The following MRTFB variants were observed in gnomAD, a reference collection of about 807,000 sequenced individuals.
MRTFB encodes myocardin-related transcription factor B.
Under a neutral mutation model 104.2 loss-of-function variants are expected in MRTFB, and 29 were observed. The ratio of observed to expected loss-of-function variants is 0.28; its 90% CI spans 0.21 to 0.38. The LOEUF (loss-of-function observed/expected upper bound fraction) is 0.38. Among genes scored for constraint, MRTFB ranks in the 10% least tolerant of loss-of-function variants. MRTFB has a pLI of 1.00. For synonymous variants in MRTFB, 535 were observed against 519.5 expected, an observed-to-expected ratio of 1.03 and a Z score of -0.41; for missense variants, 1,270 against 1,341.6, an observed-to-expected ratio of 0.95 and a Z score of 0.83.
chr16:14,097,385 A>C (rs1010672394), intron 2 of MRTFB, among the ~76,000 whole-genome samples: 2 of 152,218 alleles, frequency 1.3e-5, no homozygotes, highest in African/African-American at 2.4e-5. Flanking sequence ...CGGTTTGTTC[A>C]CTTTCCCATC....
chr16:14,052,466 A>G, the MRTFB span, among the ~76,000 whole-genome samples: 2 of 152,126 alleles, frequency 1.3e-5, no homozygotes, highest in African/African-American at 4.8e-5. Flanking sequence ...GGCCGGGCAC[A>G]GTGGCTCACG....
chr16:14,001,746 C>T, the MRTFB span, among the ~76,000 whole-genome samples: 2 of 152,200 alleles, frequency 1.3e-5, no homozygotes, highest in African/African-American at 4.8e-5. Context: ...ATCCAAAGTT[C>T]CCTCGTTGCC....
At chr16:14,195,804 G>C (rs2040407477) in intron 3 of MRTFB, among the ~76,000 whole-genome samples, 1 of 152,134 alleles carries the variant, frequency 6.6e-6, no homozygotes, top group African/African-American at 2.4e-5. Context: ...ATGGAGTGTA[G>C]AATTTTTTAT....
At chr16:14,215,930 T>G (rs1449734631) in intron 6 of MRTFB, among the ~76,000 whole-genome samples, 1 of 152,248 alleles carries the variant, frequency 6.6e-6, no homozygotes, top group Admixed American at 6.5e-5. Context: ...CAAACGAATT[T>G]GACAGTGATT....
At chr16:14,142,714 T>C (rs567485203) in intron 3 of MRTFB, 6 of 152,210 alleles carry the variant, frequency 3.9e-5, no homozygotes, top group African/African-American at 1.4e-4. Context: ...TGAACTGTTA[T>C]AAAATCAGAA....
intron 8 of MRTFB, among the ~76,000 whole-genome samples, chr16:14,226,076 C>A (rs980178317): frequency 1.3e-5 from 2 of 152,116 alleles, no homozygotes; most frequent in Admixed American, 1.3e-4. Flanking sequence ...GGAATCAAAA[C>A]AAGGCACTAC....
At chr16:14,219,297 A>G (rs753681854) in intron 8 of MRTFB, among the ~76,000 whole-genome samples, 2 of 152,168 alleles carry the variant, frequency 1.3e-5, no homozygotes, top group African/African-American at 2.4e-5. Context: ...TTATGTTTCA[A>G]ATTTATTGGG....
At chr16:14,051,878 G>C in the MRTFB span, among the ~76,000 whole-genome samples, 1 of 151,980 alleles carries the variant, frequency 6.6e-6, no homozygotes, top group Non-Finnish European at 1.5e-5. Context: ...TTTCTGATCA[G>C]AACAATTCAT....
chr16:14,099,770 C>T (rs2035600573), intron 2 of MRTFB, among the ~76,000 whole-genome samples: 1 of 151,826 alleles, frequency 6.6e-6, no homozygotes, highest in Non-Finnish European at 1.5e-5. Context: ...TTGGTTCCAG[C>T]AATTCTCCTG....
chr16:14,042,114 GT>G, the MRTFB span, among the ~76,000 whole-genome samples: 2 of 151,142 alleles, frequency 1.3e-5, no homozygotes, highest in Non-Finnish European at 2.9e-5. Flanking sequence ...ACCAACACGT[GT>G]TATTTTCTGG....
chr16:14,206,600 C>T (rs991184955), intron 3 of MRTFB, among the ~76,000 whole-genome samples: 2 of 152,190 alleles, frequency 1.3e-5, no homozygotes, highest in African/African-American at 4.8e-5. Flanking sequence ...CTCTGTTGCC[C>T]AGGCTTGAGT....
chr16:14,244,259 T>C lies in MRTFB; in HGVS notation c.1080-1269T>C, dbSNP rs574340667. Among the ~76,000 whole-genome samples, 39 of 152,294 alleles carry C rather than the reference T, an allele frequency of 2.6e-4. No homozygotes were observed. In the South Asian group the frequency reaches 7.5e-3, roughly 29 times the overall value. ...TTGTTGTTGTTTAATATTTCGTGAC[T>C]GACTATAACATAATTTAGCCATCCA... is the stretch of plus-strand genomic sequence containing the variant. On this transcript the variant is annotated intron_variant, in intron 10 of 16. Coordinates refer to ENST00000571589, the MANE Select transcript of MRTFB (RefSeq NM_001308142.2).
intron 8 of MRTFB, among the ~76,000 whole-genome samples, chr16:14,226,841 G>A (rs2042024060): frequency 6.6e-6 from 1 of 151,928 alleles, no homozygotes. Flanking sequence ...AATTAGCTGG[G>A]CATGGTGGCG....
At chr16:14,112,060 G>A (rs553692753) in intron 2 of MRTFB, among the ~76,000 whole-genome samples, 1 of 152,290 alleles carries the variant, frequency 6.6e-6, no homozygotes, top group South Asian at 2.1e-4. Flanking sequence ...CTGTTCAAGG[G>A]CAGTGTGGAG....
intron 9 of MRTFB, among the ~76,000 whole-genome samples, chr16:14,238,456 C>T (rs994488045): frequency 6.6e-6 from 1 of 152,044 alleles, no homozygotes; most frequent in African/African-American, 2.4e-5. Context: ...TTGTAGTTGG[C>T]ATCCTGGATG....
At chr16:14,085,702 T>C (rs1374692515) in intron 2 of MRTFB, among the ~76,000 whole-genome samples, 4 of 152,182 alleles carry the variant, frequency 2.6e-5, no homozygotes, top group African/African-American at 9.7e-5. Flanking sequence ...GAATGGTTGG[T>C]AAATATTGTC....
chr16:14,244,354 C>G (rs2042923038), intron 10 of MRTFB, among the ~76,000 whole-genome samples: 1 of 152,152 alleles, frequency 6.6e-6, no homozygotes, highest in South Asian at 2.1e-4. Context: ...AGTAAATAGT[C>G]TGTGTCTTTT....
intron 2 of MRTFB, among the ~76,000 whole-genome samples, chr16:14,083,648 G>C (rs2034535388): frequency 6.6e-6 from 1 of 152,130 alleles, no homozygotes; most frequent in East Asian, 1.9e-4. Flanking sequence ...TTGGGGAGTG[G>C]GTGACGCGGG....
chr16:14,098,478 A>G (rs1427355944), intron 2 of MRTFB, among the ~76,000 whole-genome samples: 1 of 152,206 alleles, frequency 6.6e-6, no homozygotes, highest in Non-Finnish European at 1.5e-5. Flanking sequence ...TATCAGATTT[A>G]TGATTTGCAA....
Sources: gnomAD v4.1 joint callset for allele counts (sites outside exome capture counted in the v4.1 genomes callset) on GRCh38, gnomAD v4.1.1 for gene constraint, MANE v1.5 for transcripts, NCBI Gene and HGNC (gene_info 2026-07-23, HGNC 2026-07-21) for gene names.